Variants in ATG4A observed in about 807,000 individuals in gnomAD.
The protein encoded by ATG4A is autophagy related 4A cysteine peptidase, also known as cysteine protease ATG4A.
In ATG4A, 22 loss-of-function variants were observed where a neutral mutation model predicts 38.4. The ratio of observed to expected loss-of-function variants is 0.57; its 90% CI spans 0.41 to 0.82. ATG4A has a LOEUF of 0.82. ATG4A is among the 40% of genes least tolerant of loss of function. The pLI, the probability that ATG4A is intolerant of heterozygous loss-of-function variation, is 0.00. For synonymous variants in ATG4A, 86 were observed against 100.7 expected (o/e 0.85, Z 0.88); for missense variants, 220 against 290.0 (o/e 0.76, Z 1.75).
chrX:108,133,957 G>A, intron 4 of ATG4A, 100 bp from the exon 5 acceptor site: 2 of 612,516 alleles, frequency 3.3e-6, no homozygotes, highest in Non-Finnish European at 5.0e-6. Context: ...TCTAGATGTG[G>A]TGCCTTTGTT....
At chrX:108,129,762 G>C (rs929049407) in intron 3 of ATG4A, among the ~76,000 whole-genome samples, 1 of 109,277 alleles carries the variant, frequency 9.2e-6, no homozygotes, top group African/African-American at 3.3e-5. Context: ...AGTAGAGACA[G>C]GGTTTCACTG....
Position 108,141,071 on chromosome X carries a change from C to CGTATATAT in ATG4A, c.814+2880_814+2881insGTATATAT, listed in dbSNP as rs2033266905. 2.6e-3 allele frequency among the ~76,000 whole-genome samples: 92 copies of CGTATATAT among 35,027 alleles called. 1 individual carries two copies. The highest frequency in any genetic ancestry group is 9.2e-3 in the East Asian group (11 of 1,191). The allele number at this position is 35,027 out of a possible 115,157, so 30.4% of individuals were successfully genotyped here. A position where few individuals can be genotyped will look rare whatever the true frequency, so the allele number is the denominator to read the frequency against. On this transcript the variant is annotated intron_variant, in intron 9 of 12. Coordinates refer to ENST00000372232, the MANE Select transcript of ATG4A (RefSeq NM_052936.5). ...ATACATATATACGTGTATATATATA[C>CGTATATAT]ATATATATATATATATATATATATA...
intron 1 of ATG4A, among the ~76,000 whole-genome samples, chrX:108,118,551 A>G (rs998606888): frequency 9.0e-6 from 1 of 111,546 alleles, no homozygotes; most frequent in Non-Finnish European, 1.9e-5. Context: ...AAGTGCTCTG[A>G]AAACTGTCAA....
chrX:108,110,803 G>T (rs1569302279), intron 1 of ATG4A, among the ~76,000 whole-genome samples: 1 of 112,495 alleles, frequency 8.9e-6, no homozygotes, highest in South Asian at 3.7e-4. Context: ...GCTTCAAGTA[G>T]TATGGACATC....
chrX:108,115,118 CGT>C (rs748772447), intron 1 of ATG4A, among the ~76,000 whole-genome samples: 6,076 of 89,389 alleles, frequency 0.068, 451 homozygotes, highest in African/African-American at 0.21. Context: ...TGCATGTATG[CGT>C]GTGTGTGTGT....
At chrX:108,135,465 T>C (rs1241969158) in intron 6 of ATG4A, among the ~76,000 whole-genome samples, 1 of 111,998 alleles carries the variant, frequency 8.9e-6, no homozygotes, top group Admixed American at 9.4e-5. Context: ...GGAATGTGTC[T>C]GTGAGGACAG....
rs2033152011 is a variant in ATG4A at position 108,138,099 on chromosome X, G to A, written c.736-14G>A. 1 of 1,206,296 alleles carries A rather than the reference G, an allele frequency of 8.3e-7. No homozygotes were observed. Among genetic ancestry groups the A allele is most frequent in the South Asian group, 1.8e-5 (1 of 56,695 alleles). The stretch of plus-strand genomic sequence containing the variant: ...ACAAGTGAGTTGAGAATCTTGCATT[G>A]TCTTTCTCTCCAGGAGTGTTTTAAG... On this transcript the variant is annotated splice_polypyrimidine_tract_variant and intron_variant, in intron 8 of 12. Coordinates refer to ENST00000372232, the MANE Select transcript of ATG4A (RefSeq NM_052936.5).
At chrX:108,091,721 C>G (rs1421105989), upstream of ATG4A, 30 of 1,090,573 alleles carry the variant, frequency 2.8e-5, no homozygotes, top group Non-Finnish European at 3.8e-5. Flanking sequence ...GCTGCCCTCA[C>G]AGACTTGGCC....
intron 1 of ATG4A, among the ~76,000 whole-genome samples, chrX:108,098,039 G>T (rs2031885073): frequency 9.0e-6 from 1 of 111,596 alleles, no homozygotes; most frequent in East Asian, 2.8e-4. Flanking sequence ...GTATACATGT[G>T]CCATGTGGGT....
chrX:108,088,934 G>A (rs1323846498), upstream of ATG4A: 75 of 755,211 alleles, frequency 9.9e-5, no homozygotes, highest in Non-Finnish European at 3.9e-5. Flanking sequence ...CAAATCTATA[G>A]TTTGAAAATA....
intron 10 of ATG4A, among the ~76,000 whole-genome samples, chrX:108,151,147 G>A (rs1196192231): frequency 8.9e-6 from 1 of 111,874 alleles, no homozygotes; most frequent in East Asian, 2.8e-4. Flanking sequence ...CTAGGAAGCT[G>A]CAGGATTTTC....
chrX:108,102,578 G>C (rs2032046702), intron 1 of ATG4A, among the ~76,000 whole-genome samples: 1 of 111,147 alleles, frequency 9.0e-6, no homozygotes, highest in African/African-American at 3.3e-5. Flanking sequence ...TACTTTTATT[G>C]CCTATACTTT....
At chrX:108,125,974 C>A in intron 1 of ATG4A, 103 bp from the exon 2 acceptor site, 1 of 482,575 alleles carries the variant, frequency 2.1e-6, no homozygotes, top group South Asian at 3.4e-5. Context: ...CCATTAGATT[C>A]AAGCTGCTGA....
At chrX:108,145,167 T>C (rs1016792191) in intron 9 of ATG4A, among the ~76,000 whole-genome samples, 4 of 112,518 alleles carry the variant, frequency 3.6e-5, no homozygotes, top group African/African-American at 1.3e-4. Context: ...GGCATGCAAA[T>C]GTCTTACCAA....
chrX:108,149,901 T>C, intron 9 of ATG4A: 1 of 333,735 alleles, frequency 3.0e-6, no homozygotes, highest in Non-Finnish European at 5.2e-6. Flanking sequence ...TTCTCAAACC[T>C]GTCACTTTCC....
chrX:108,136,145 ATATTAT>A (rs935302146), intron 6 of ATG4A, among the ~76,000 whole-genome samples: 1 of 110,511 alleles, frequency 9.0e-6, no homozygotes, highest in Non-Finnish European at 1.9e-5. Flanking sequence ...TAACAACAAC[ATATTAT>A]TATTATTATT....
chrX:108,151,837 C>T lies in ATG4A; in HGVS notation c.996C>T (p.Asn332=). ...FFCKEEKDFD[N]WCSLVQKEIL... The stretch of plus-strand genomic sequence containing the variant: ...GCAAAGAAGAAAAAGACTTTGATAA[C>T]TGGTGTAGCCTTGTTCAGAAGGTAA... Residue 332 remains asparagine, a synonymous_variant, in exon 11 of 13, where the codon AAC becomes AAT. Transcript: ENST00000372232. The T allele has an allele frequency of 8.3e-7, 1 of 1,206,704 alleles. No individual in the cohort carries two copies. The highest frequency in any genetic ancestry group is 1.1e-6 in the Non-Finnish European group (1 of 891,827).
rs1286855723 is a variant in ATG4A at position 108,131,827 on chromosome X, T to C, written c.292+469T>C. 3.6e-5 allele frequency among the ~76,000 whole-genome samples: 4 copies of C among 112,212 alleles called. No individual in the cohort carries two copies. In the East Asian group the frequency reaches 8.4e-4, roughly 23 times the overall value. On this transcript the variant is annotated intron_variant, in intron 4 of 12. Coordinates refer to ENST00000372232, the MANE Select transcript of ATG4A (RefSeq NM_052936.5). The stretch of plus-strand genomic sequence containing the variant: ...TGGTTCACTAAGGATGTCCAGCTGA[T>C]GATGAAGGAATCTTTAAATTTGCTT...
At chrX:108,147,554 A>T (rs1239591276) in intron 9 of ATG4A, among the ~76,000 whole-genome samples, 1 of 111,453 alleles carries the variant, frequency 9.0e-6, no homozygotes, top group Non-Finnish European at 1.9e-5. Flanking sequence ...TCTACAGGAG[A>T]TAAGACTCTC....
Sources: gnomAD v4.1 joint callset for allele counts (sites outside exome capture counted in the v4.1 genomes callset) on GRCh38, gnomAD v4.1.1 for gene constraint, MANE v1.5 for transcripts, NCBI Gene and HGNC (gene_info 2026-07-23, HGNC 2026-07-21) for gene names.